PXDNL: variants seen among roughly 807,000 people sequenced by gnomAD.
The protein encoded by PXDNL is peroxidasin like.
In PXDNL, 145 loss-of-function variants were observed where a neutral mutation model predicts 150.8. That is an observed-to-expected ratio of 0.96 (90% CI 0.84 to 1.10). The LOEUF is 1.10. Ranked by LOEUF, PXDNL falls within the 50% of genes least tolerant of loss-of-function variation. PXDNL has a pLI of 0.00. For synonymous variants in PXDNL, 757 were observed against 725.7 expected (o/e 1.04, Z -0.69); for missense variants, 2,087 against 1,873.9 (o/e 1.11, Z -2.10).
At chr8:51,643,970 C>G (rs547816232) in intron 2 of PXDNL, among the ~76,000 whole-genome samples, 56 of 151,840 alleles carry the variant, frequency 3.7e-4, no homozygotes, top group African/African-American at 1.3e-3. Flanking sequence ...CGTGGTGAAG[C>G]CCCATCTCTA....
intron 17 of PXDNL, among the ~76,000 whole-genome samples, chr8:51,383,052 G>A (rs1260063961): frequency 3.3e-5 from 5 of 152,264 alleles, no homozygotes; most frequent in Admixed American, 1.3e-4. Context: ...TCCTATATAA[G>A]TAACTTATTA....
At chr8:51,744,802 A>G (rs79654641) in intron 1 of PXDNL, among the ~76,000 whole-genome samples, 1 of 150,328 alleles carries the variant, frequency 6.7e-6, no homozygotes, top group African/African-American at 2.4e-5. Flanking sequence ...AGAGAAAGAG[A>G]GAGAAAGAAA....
intron 6 of PXDNL, among the ~76,000 whole-genome samples, chr8:51,482,917 C>T (rs918709716): frequency 6.6e-6 from 1 of 152,140 alleles, no homozygotes; most frequent in Non-Finnish European, 1.5e-5. Flanking sequence ...ATGGATACAC[C>T]TGTGTGAGTT....
intron 1 of PXDNL, among the ~76,000 whole-genome samples, chr8:51,714,794 T>C (rs1816575407): frequency 6.6e-6 from 1 of 152,260 alleles, no homozygotes; most frequent in Non-Finnish European, 1.5e-5. Flanking sequence ...GACACCTTTT[T>C]GCTTTGGTAT....
chr8:51,322,825 A>T (rs1391981097), intron 21 of PXDNL, among the ~76,000 whole-genome samples: 1 of 152,228 alleles, frequency 6.6e-6, no homozygotes, highest in African/African-American at 2.4e-5. Context: ...TTCTTGGAAG[A>T]TAATTTAGCA....
At chr8:51,696,829 A>ACACATCCACACACAGGCCCACACACATC (rs1816152238) in intron 1 of PXDNL, among the ~76,000 whole-genome samples, 1 of 262 alleles carries the variant, frequency 3.8e-3, no homozygotes, top group Non-Finnish European at 7.4e-3. Flanking sequence ...ACACACACAC[A>ACACATCCACACACAGGCCCACACACATC]CACACACACA....
intron 2 of PXDNL, among the ~76,000 whole-genome samples, chr8:51,611,233 C>A (rs1813992822): frequency 6.6e-6 from 1 of 152,130 alleles, no homozygotes; most frequent in Non-Finnish European, 1.5e-5. Flanking sequence ...CATGAAAAAA[C>A]TATGTTTTAT....
chr8:51,324,627 G>C (rs1805428950), intron 21 of PXDNL, among the ~76,000 whole-genome samples: 1 of 152,186 alleles, frequency 6.6e-6, no homozygotes, highest in South Asian at 2.1e-4. Context: ...TTTTGTCTAT[G>C]CTGTCTCTGT....
chr8:51,640,524 A>G (rs1424741681), intron 2 of PXDNL, among the ~76,000 whole-genome samples: 1 of 152,228 alleles, frequency 6.6e-6, no homozygotes. Context: ...TACAAAATCA[A>G]TGTACAAAAA....
rs554692383 is a variant in PXDNL at position 51,600,244 on chromosome 8, A to C, written c.237-7546T>G. Among the ~76,000 whole-genome samples, 25 of 136,584 alleles carry C rather than the reference A, an allele frequency of 1.8e-4. 2 individuals carry two copies. The highest frequency in any genetic ancestry group is 1.3e-3 in the Admixed American group (17 of 13,160). The allele number at this position is 136,584 out of a possible 152,430, so 89.6% of individuals were successfully genotyped here. On this transcript the variant is annotated intron_variant, in intron 2 of 22. Coordinates refer to ENST00000356297, the MANE Select transcript of PXDNL (RefSeq NM_144651.5). ...ATATAAATTATATCGTTTAGATAAT[A>C]AATTATATCTCATATAAATTATATC...
At chr8:51,761,200 C>T (rs1342369498) in intron 1 of PXDNL, among the ~76,000 whole-genome samples, 1 of 151,836 alleles carries the variant, frequency 6.6e-6, no homozygotes, top group Non-Finnish European at 1.5e-5. Context: ...TTTAGTATCT[C>T]CTTGAACTGA....
At position 51,446,899 on chromosome 8, in the gene PXDNL, T is replaced by C; in HGVS notation, c.1525+105A>G. 3 of 811,026 alleles carry C rather than the reference T, an allele frequency of 3.7e-6. No individual in the cohort carries two copies. In the South Asian group the frequency reaches 7.2e-5, roughly 20 times the overall value. The allele number at this position is 811,026 out of a possible 1,614,324, so 50.2% of individuals were successfully genotyped here. A position where few individuals can be genotyped will look rare whatever the true frequency, so the allele number is the denominator to read the frequency against. On this transcript the variant is annotated intron_variant, in intron 12 of 22. Transcript: ENST00000356297. ...GCATTTCTTAGATCATATGACTATATATATATATATAGTCATATATGTCAT... is the reference window on the plus strand; with the variant it reads ...GCATTTCTTAGATCATATGACTATACATATATATATAGTCATATATGTCAT...
chr8:51,790,505 G>C (rs1014182478), intron 1 of PXDNL, among the ~76,000 whole-genome samples: 1 of 152,220 alleles, frequency 6.6e-6, no homozygotes, highest in Non-Finnish European at 1.5e-5. Context: ...GAGGTCCTGA[G>C]TTGCAAACCT....
intron 1 of PXDNL, among the ~76,000 whole-genome samples, chr8:51,725,070 T>C (rs1816798509): frequency 6.6e-6 from 1 of 152,050 alleles, no homozygotes; most frequent in South Asian, 2.1e-4. Flanking sequence ...TCTCTGCAGG[T>C]TCGAACTCCG....
chr8:51,714,361 T>C (rs1305966148), intron 1 of PXDNL, among the ~76,000 whole-genome samples: 1 of 152,232 alleles, frequency 6.6e-6, no homozygotes, highest in African/African-American at 2.4e-5. Context: ...CTTCATTTCA[T>C]AGCACTGAGG....
intron 4 of PXDNL, among the ~76,000 whole-genome samples, chr8:51,540,700 A>T (rs1185074097): frequency 6.6e-6 from 1 of 152,122 alleles, no homozygotes; most frequent in Non-Finnish European, 1.5e-5. Flanking sequence ...CTTTGGGTGT[A>T]GTGCTCTATT....
chr8:51,754,149 C>T (rs1256848602), intron 1 of PXDNL, among the ~76,000 whole-genome samples: 1 of 151,972 alleles, frequency 6.6e-6, no homozygotes, highest in Non-Finnish European at 1.5e-5. Context: ...TTTCAAAGCC[C>T]GATGCAACAA....
intron 17 of PXDNL, among the ~76,000 whole-genome samples, chr8:51,380,102 C>T (rs1807485695): frequency 6.6e-6 from 1 of 150,430 alleles, no homozygotes; most frequent in African/African-American, 2.5e-5. Context: ...ATAAAATACA[C>T]TAACACTAAG....
Position 51,512,213 on chromosome 8 carries a change from T to C in PXDNL, c.381-12443A>G, listed in dbSNP as rs563241209. Among the ~76,000 whole-genome samples, 4 of 152,200 alleles carry C rather than the reference T, an allele frequency of 2.6e-5. No homozygotes were observed. The South Asian group carries it at 8.3e-4, about 32-fold the overall frequency. On this transcript the variant is annotated intron_variant, in intron 4 of 22. Transcript: ENST00000356297. ...TGTAGAAATTTCAGAACTCTTGCCA[T>C]GAAGAAAAGAGAGCAACAAAGTTAG...
Sources: gnomAD v4.1 joint callset for allele counts (sites outside exome capture counted in the v4.1 genomes callset) on GRCh38, gnomAD v4.1.1 for gene constraint, MANE v1.5 for transcripts, NCBI Gene and HGNC (gene_info 2026-07-23, HGNC 2026-07-21) for gene names.